GALNT13: variants seen among roughly 807,000 people sequenced by gnomAD.
The protein encoded by GALNT13 is polypeptide N-acetylgalactosaminyltransferase 13.
GALNT13 carries 28 observed loss-of-function variants against 64.2 expected under a neutral mutation model. The observed-to-expected ratio is 0.44, with a 90% CI of 0.32 to 0.60. The LOEUF (loss-of-function observed/expected upper bound fraction) is 0.60. Among genes scored for constraint, GALNT13 ranks in the 20% least tolerant of loss-of-function variants. The probability of loss-of-function intolerance (pLI) is 0.05; values close to 1 mark genes in which losing one functional copy is unlikely to be tolerated. For synonymous variants in GALNT13, 214 were observed against 224.6 expected, an observed-to-expected ratio of 0.95 and a Z score of 0.42; for missense variants, 577 against 669.8, an observed-to-expected ratio of 0.86 and a Z score of 1.53.
At chr2:154,150,741 T>C (rs566914145) in intron 4 of GALNT13, among the ~76,000 whole-genome samples, 1 of 152,342 alleles carries the variant, frequency 6.6e-6, no homozygotes, top group East Asian at 1.9e-4. Flanking sequence ...TATTCTCAGA[T>C]GGTAGTTTGT....
chr2:153,140,551 C>T, the GALNT13 span, among the ~76,000 whole-genome samples: 1 of 152,002 alleles, frequency 6.6e-6, no homozygotes, highest in Non-Finnish European at 1.5e-5. Flanking sequence ...AATCTTATGG[C>T]TTGAGTCTAG....
chr2:154,120,176 G>T (rs1468345648), intron 3 of GALNT13, among the ~76,000 whole-genome samples: 1 of 152,170 alleles, frequency 6.6e-6, no homozygotes, highest in Non-Finnish European at 1.5e-5. Context: ...AGAGCTTGCT[G>T]TCGGTTTTCC....
the GALNT13 span, among the ~76,000 whole-genome samples, chr2:153,729,446 G>A: frequency 3.3e-5 from 5 of 151,964 alleles, no homozygotes; most frequent in African/African-American, 1.2e-4. Flanking sequence ...TGATTATTGT[G>A]TCATCTTAAG....
chr2:153,554,654 A>ATGTGTGTG, the GALNT13 span, among the ~76,000 whole-genome samples: 21 of 131,670 alleles, frequency 1.6e-4, no homozygotes, highest in African/African-American at 5.0e-4. Context: ...GGGATGCTGT[A>ATGTGTGTG]TATGTGTGTG....
intron 10 of GALNT13, among the ~76,000 whole-genome samples, chr2:154,397,258 AC>A (rs943387130): frequency 6.6e-5 from 10 of 151,834 alleles, no homozygotes; most frequent in African/African-American, 2.4e-4. Context: ...ACACAGTGAA[AC>A]CCCGTCTCTA....
At chr2:153,491,594 A>ATATT in the GALNT13 span, among the ~76,000 whole-genome samples, 25,422 of 145,292 alleles carry the variant, frequency 0.17, 2,742 homozygotes, top group African/African-American at 0.29. Flanking sequence ...AAACCATATT[A>ATATT]TATTTATTTA....
At chr2:154,019,641 CACACACACACACAA>C (rs1477162215) in intron 3 of GALNT13, among the ~76,000 whole-genome samples, 1 of 149,542 alleles carries the variant, frequency 6.7e-6, no homozygotes, top group Non-Finnish European at 1.5e-5. Context: ...CACACACACA[CACACACACACACAA>C]AAGCAAGAAA....
intron 2 of GALNT13, among the ~76,000 whole-genome samples, chr2:153,942,451 T>C (rs16835433): frequency 0.12 from 18,472 of 152,098 alleles, 1,953 homozygotes; most frequent in African/African-American, 0.28. Context: ...ACAGAACATT[T>C]GATAGCTTGA....
the GALNT13 span, among the ~76,000 whole-genome samples, chr2:153,189,808 T>A: frequency 3.3e-5 from 5 of 152,178 alleles, no homozygotes; most frequent in Admixed American, 3.3e-4. Flanking sequence ...TGGGATGAGA[T>A]AATATCTCAC....
At chr2:153,460,265 T>C in the GALNT13 span, among the ~76,000 whole-genome samples, 49 of 152,246 alleles carry the variant, frequency 3.2e-4, no homozygotes, top group African/African-American at 1.1e-3. Context: ...TGAAAAACCA[T>C]ATAGTATAAT....
At chr2:153,993,776 G>C (rs1395134932) in intron 3 of GALNT13, among the ~76,000 whole-genome samples, 1 of 151,228 alleles carries the variant, frequency 6.6e-6, no homozygotes, top group African/African-American at 2.4e-5. Context: ...CCAAATTTTG[G>C]TGGTAATGAC....
At chr2:154,161,559 G>A (rs926304912) in intron 4 of GALNT13, among the ~76,000 whole-genome samples, 1 of 152,080 alleles carries the variant, frequency 6.6e-6, no homozygotes, top group African/African-American at 2.4e-5. Context: ...GATGAGAGTA[G>A]CATCGGAGAG....
chr2:153,614,970 A>C, the GALNT13 span, among the ~76,000 whole-genome samples: 1 of 151,994 alleles, frequency 6.6e-6, no homozygotes, highest in Non-Finnish European at 1.5e-5. Context: ...AGTAGGTCTT[A>C]TTCCTTCCAA....
At chr2:153,872,436 C>T (rs1046969918) in intron 1 of GALNT13, 133 bp downstream of exon 1, 1 of 151,984 alleles carries the variant, frequency 6.6e-6, no homozygotes, top group Non-Finnish European at 1.5e-5. Context: ...GCCGAGCGCC[C>T]CGGGCCGGTC....
At chr2:153,810,542 A>G in the GALNT13 span, among the ~76,000 whole-genome samples, 1 of 152,292 alleles carries the variant, frequency 6.6e-6, no homozygotes, top group African/African-American at 2.4e-5. Context: ...TTATTTTACA[A>G]TTGTACCCAT....
At chr2:153,784,805 T>C in the GALNT13 span, among the ~76,000 whole-genome samples, 2 of 152,172 alleles carry the variant, frequency 1.3e-5, no homozygotes, top group African/African-American at 4.8e-5. Flanking sequence ...CATGGGTGAC[T>C]ACATTACAGC....
chr2:153,128,031 C>T, the GALNT13 span, among the ~76,000 whole-genome samples: 1 of 152,114 alleles, frequency 6.6e-6, no homozygotes, highest in Non-Finnish European at 1.5e-5. Context: ...CACAAAATGA[C>T]TTGCCCAAAG....
At chr2:153,260,244 G>A in the GALNT13 span, among the ~76,000 whole-genome samples, 21,572 of 152,124 alleles carry the variant, frequency 0.14, 2,020 homozygotes, top group Non-Finnish European at 0.21. Context: ...AGTTTACACA[G>A]CACAGTTATT....
Position 153,941,629 on chromosome 2 carries a change from TA to T in GALNT13, c.-104-2764del, listed in dbSNP as rs565293945. Among the ~76,000 whole-genome samples, 20 of 152,346 alleles carry T rather than the reference TA, an allele frequency of 1.3e-4. No individual in the cohort carries two copies. The South Asian group carries it at 4.1e-3, about 32-fold the overall frequency. On this transcript the variant is annotated intron_variant, in intron 2 of 12. Transcript: ENST00000392825. ...CACCAACTGTGCTTACGTTGGTTAG[TA>T]TTCTGTGTTTAAAGTACCATTTTTC...
Sources: allele counts gnomAD v4.1 joint callset (sites outside exome capture counted in the v4.1 genomes callset), GRCh38; gene constraint gnomAD v4.1.1; transcripts MANE v1.5; gene names NCBI Gene and HGNC (gene_info 2026-07-23, HGNC 2026-07-21).